PRELID2: variants seen among roughly 807,000 people sequenced by gnomAD.
The protein encoded by PRELID2 is PRELI domain containing 2, also known as PRELI domain-containing protein 2.
Under a neutral mutation model 28.4 loss-of-function variants are expected in PRELID2, and 25 were observed. The observed-to-expected ratio is 0.88, with a 90% CI of 0.64 to 1.23. The LOEUF (loss-of-function observed/expected upper bound fraction) is 1.23. PRELID2 is among the 50% of genes most tolerant of loss of function. The probability of loss-of-function intolerance (pLI) is 0.00; values close to 1 mark genes in which losing one functional copy is unlikely to be tolerated. For missense variants in PRELID2, 201 were observed against 214.4 expected, an observed-to-expected ratio of 0.94 and a Z score of 0.39; for synonymous variants, 76 against 71.6, an observed-to-expected ratio of 1.06 and a Z score of -0.31.
the PRELID2 span, among the ~76,000 whole-genome samples, chr5:145,455,271 T>C: frequency 6.6e-6 from 1 of 152,146 alleles, no homozygotes; most frequent in African/African-American, 2.4e-5. Context: ...TGTAGATATG[T>C]GGCATTATTT....
chr5:145,410,706 C>T, the PRELID2 span, among the ~76,000 whole-genome samples: 1 of 152,084 alleles, frequency 6.6e-6, no homozygotes, highest in African/African-American at 2.4e-5. Context: ...CTGCCCTTGA[C>T]ACATGGGAAT....
intron 1 of PRELID2, among the ~76,000 whole-genome samples, chr5:145,520,474 A>G (rs1198043585): frequency 6.6e-6 from 1 of 152,150 alleles, no homozygotes; most frequent in Non-Finnish European, 1.5e-5. Context: ...AGCCTTCTTC[A>G]GTTTCCCAAC....
At chr5:145,272,192 C>T in the PRELID2 span, among the ~76,000 whole-genome samples, 1 of 152,158 alleles carries the variant, frequency 6.6e-6, no homozygotes, top group Non-Finnish European at 1.5e-5. Flanking sequence ...AGCACAGAAA[C>T]AGCTGCAATA....
intron 1 of PRELID2, among the ~76,000 whole-genome samples, chr5:145,706,404 CT>C (rs1363545335): frequency 6.6e-6 from 1 of 152,100 alleles, no homozygotes; most frequent in Non-Finnish European, 1.5e-5. Flanking sequence ...AGCGTAACTC[CT>C]TTTTTTAGGA....
the PRELID2 span, among the ~76,000 whole-genome samples, chr5:145,270,815 G>T: frequency 1.3e-5 from 2 of 152,050 alleles, no homozygotes; most frequent in Non-Finnish European, 2.9e-5. Flanking sequence ...AATCATGATT[G>T]TGTGTGAGTT....
chr5:145,658,075 G>C (rs1754426573), intron 1 of PRELID2, among the ~76,000 whole-genome samples: 1 of 152,158 alleles, frequency 6.6e-6, no homozygotes, highest in Non-Finnish European at 1.5e-5. Flanking sequence ...TGTGTGCCTG[G>C]CAATGTGTTA....
intron 1 of PRELID2, among the ~76,000 whole-genome samples, chr5:145,559,010 T>G (rs1187905047): frequency 6.6e-6 from 1 of 152,100 alleles, no homozygotes; most frequent in African/African-American, 2.4e-5. Flanking sequence ...ATCCCAGCAT[T>G]TTGGGAGGCT....
At position 145,835,183 on chromosome 5, in the gene PRELID2, G is replaced by A; in HGVS notation, c.69C>T (p.Leu23=). 1.3e-6 allele frequency: 2 copies of A among 1,548,604 alleles called. No individual in the cohort carries two copies. The highest frequency in any genetic ancestry group is 1.2e-5 in the South Asian group (1 of 83,854). ...YPFEQVVASF[L]RKYPNPMDKN... is the part of the protein sequence containing the mutation. ...GGTGGAAGCGGGGCGGTACCTTTCG[G>A]AGAAAGCTGGCGACCACCTGCTCGA... Residue 23 remains leucine (L), a synonymous_variant, in exon 1 of 7, where the codon CTC becomes CTT. Coordinates refer to ENST00000683046, the MANE Select transcript of PRELID2 (RefSeq NM_205846.3).
intron 4 of PRELID2, 147 bp downstream of exon 4, chr5:145,817,747 A>G: frequency 3.1e-6 from 2 of 650,138 alleles, no homozygotes; most frequent in Admixed American, 8.2e-5. Flanking sequence ...AAAATTCATT[A>G]ATTACTGTGA....
At chr5:145,295,713 G>T in the PRELID2 span, among the ~76,000 whole-genome samples, 1 of 152,116 alleles carries the variant, frequency 6.6e-6, no homozygotes. Flanking sequence ...TGAAAACAAA[G>T]ATTTGCCTAT....
chr5:145,730,857 G>A (rs780360350), intron 1 of PRELID2, among the ~76,000 whole-genome samples: 34 of 151,510 alleles, frequency 2.2e-4, no homozygotes, highest in Admixed American at 9.2e-4. Context: ...TGCCAGTCTC[G>A]AGATGACATC....
At chr5:145,358,710 C>G in the PRELID2 span, among the ~76,000 whole-genome samples, 1 of 152,042 alleles carries the variant, frequency 6.6e-6, no homozygotes, top group African/African-American at 2.4e-5. Context: ...GGAAAATGGT[C>G]CCTTCAATAT....
downstream of PRELID2, among the ~76,000 whole-genome samples, chr5:145,471,522 C>T (rs1344757201): frequency 6.6e-6 from 1 of 152,070 alleles, no homozygotes; most frequent in Non-Finnish European, 1.5e-5. Context: ...GTTGTCATAA[C>T]TACTATTCTA....
the PRELID2 span, among the ~76,000 whole-genome samples, chr5:145,332,482 T>C: frequency 1.2e-4 from 19 of 152,104 alleles, no homozygotes; most frequent in African/African-American, 3.4e-4. Flanking sequence ...TTCTTTTTTC[T>C]CTAATCCTGT....
At chr5:145,443,405 A>G in the PRELID2 span, among the ~76,000 whole-genome samples, 4 of 152,002 alleles carry the variant, frequency 2.6e-5, no homozygotes, top group Non-Finnish European at 5.9e-5. Context: ...TCTTGGCCCA[A>G]GTCATATACC....
chr5:145,686,087 T>C (rs1581057352), intron 1 of PRELID2, among the ~76,000 whole-genome samples: 1 of 152,228 alleles, frequency 6.6e-6, no homozygotes, highest in Non-Finnish European at 1.5e-5. Flanking sequence ...TTATTCATCA[T>C]AGGTAAAAGT....
the PRELID2 span, among the ~76,000 whole-genome samples, chr5:145,299,874 C>G: frequency 6.6e-6 from 1 of 151,932 alleles, no homozygotes; most frequent in African/African-American, 2.4e-5. Flanking sequence ...TTTAGCCACC[C>G]AAAAATGAAA....
At chr5:145,500,079 G>A (rs747175262) in intron 1 of PRELID2, among the ~76,000 whole-genome samples, 212 of 152,214 alleles carry the variant, frequency 1.4e-3, no homozygotes, top group Middle Eastern at 0.014. Context: ...AAGTTGTGTC[G>A]CAAGGTGGGA....
chr5:145,680,614 A>G (rs1214396207), intron 1 of PRELID2, among the ~76,000 whole-genome samples: 1 of 152,238 alleles, frequency 6.6e-6, no homozygotes, highest in Non-Finnish European at 1.5e-5. Context: ...ATGCAAAAAC[A>G]ATCGGAAACA....
Sources: gnomAD v4.1 joint callset for allele counts (sites outside exome capture counted in the v4.1 genomes callset) on GRCh38, gnomAD v4.1.1 for gene constraint, MANE v1.5 for transcripts, NCBI Gene and HGNC (gene_info 2026-07-23, HGNC 2026-07-21) for gene names.